The following EYS variants were observed in gnomAD, a reference collection of about 807,000 sequenced individuals.
The protein encoded by EYS is protein eyes shut homolog.
A neutral mutation model predicts 282.1 loss-of-function variants in EYS; 250 were observed. That is an observed-to-expected ratio of 0.89 (90% CI 0.80 to 0.98). The LOEUF (loss-of-function observed/expected upper bound fraction) is 0.98, where lower values mean the gene tolerates loss of function less well. Among genes scored for constraint, EYS ranks in the 50% least tolerant of loss-of-function variants. The pLI, the probability that EYS is intolerant of heterozygous loss-of-function variation, is 0.00. For synonymous variants in EYS, 1,355 were observed against 1,282.9 expected (o/e 1.06, Z -1.20); for missense variants, 4,016 against 3,709.0 (o/e 1.08, Z -2.15).
intron 31 of EYS, among the ~76,000 whole-genome samples, chr6:64,220,612 G>T (rs1333093122): frequency 6.6e-6 from 1 of 152,066 alleles, no homozygotes; most frequent in Non-Finnish European, 1.5e-5. Flanking sequence ...TTCAAAATCC[G>T]TTGTCAATCA....
At chr6:64,741,384 A>G (rs972429087) in intron 22 of EYS, among the ~76,000 whole-genome samples, 29 of 152,300 alleles carry the variant, frequency 1.9e-4, no homozygotes, top group African/African-American at 6.7e-4. Context: ...CCATTCACAG[A>G]GCACAAGCAA....
chr6:65,117,893 G>T (rs1315738037), intron 12 of EYS, among the ~76,000 whole-genome samples: 1 of 152,168 alleles, frequency 6.6e-6, no homozygotes, highest in Non-Finnish European at 1.5e-5. Flanking sequence ...ATATTTTGAG[G>T]AGGCTGTGGA....
intron 31 of EYS, among the ~76,000 whole-genome samples, chr6:64,169,269 A>T (rs1253879646): frequency 6.6e-6 from 1 of 152,138 alleles, no homozygotes; most frequent in Admixed American, 6.5e-5. Flanking sequence ...GTGGGGGTTT[A>T]GAATCGGGCA....
intron 22 of EYS, among the ~76,000 whole-genome samples, chr6:64,636,116 G>C (rs1382263181): frequency 6.6e-6 from 1 of 152,116 alleles, no homozygotes; most frequent in African/African-American, 2.4e-5. Flanking sequence ...AACCAAAAAA[G>C]AGCCTGCATC....
At chr6:65,452,702 T>C (rs1377968187) in intron 5 of EYS, among the ~76,000 whole-genome samples, 2 of 152,048 alleles carry the variant, frequency 1.3e-5, no homozygotes, top group Admixed American at 6.6e-5. Context: ...CTGTGCATTA[T>C]TCCAGCCTGA....
At chr6:65,429,686 A>C (rs185360425) in intron 5 of EYS, among the ~76,000 whole-genome samples, 3 of 152,154 alleles carry the variant, frequency 2.0e-5, no homozygotes, top group Non-Finnish European at 4.4e-5. Context: ...AAAACAAGCA[A>C]AAGAGAATAA....
intron 12 of EYS, among the ~76,000 whole-genome samples, chr6:65,224,105 C>A (rs559486733): frequency 3.9e-5 from 6 of 152,214 alleles, no homozygotes. Context: ...CCAACAACAG[C>A]AAAATACCAA....
At chr6:64,147,193 G>A (rs113365202) in intron 31 of EYS, among the ~76,000 whole-genome samples, 3,770 of 152,146 alleles carry the variant, frequency 0.025, 144 homozygotes, top group African/African-American at 0.085. Context: ...AGTATCTGCC[G>A]TTGGGAGATC....
At chr6:64,341,067 T>A (rs1771088463) in intron 29 of EYS, among the ~76,000 whole-genome samples, 1 of 151,606 alleles carries the variant, frequency 6.6e-6, no homozygotes, top group Non-Finnish European at 1.5e-5. Flanking sequence ...AAACAACACA[T>A]GCTGGCAAGA....
At chr6:65,299,670 G>T (rs1414767369) in intron 11 of EYS, among the ~76,000 whole-genome samples, 14 of 151,916 alleles carry the variant, frequency 9.2e-5, no homozygotes, top group African/African-American at 3.4e-4. Context: ...TCTTCTGAGG[G>T]TCAAATATTA....
rs562157819 is a variant in EYS, at chr6:64,087,515, T to A, written c.6425-5513A>T. ...AAGGAAAGTCCATAAGCCTATCTCA[T>A]CTATCCTCCTACAGTATACATTCTC... On this transcript the variant is annotated intron_variant, in intron 31 of 42. Transcript: ENST00000503581. Among the ~76,000 whole-genome samples the A allele has an allele frequency of 3.9e-5, 6 of 152,198 alleles. No individual in the cohort carries two copies. The East Asian group carries it at 1.2e-3, about 29-fold the overall frequency.
At chr6:64,296,732 G>T (rs918405037) in intron 30 of EYS, among the ~76,000 whole-genome samples, 4 of 150,274 alleles carry the variant, frequency 2.7e-5, no homozygotes, top group African/African-American at 9.8e-5. Context: ...TCAGCCTCCC[G>T]AGTAGCTGGG....
At chr6:65,373,781 A>T (rs1765252750) in intron 8 of EYS, among the ~76,000 whole-genome samples, 1 of 152,248 alleles carries the variant, frequency 6.6e-6, no homozygotes, top group South Asian at 2.1e-4. Context: ...AAATAATATT[A>T]TAATGAACAT....
chr6:64,200,914 CT>C (rs1342134646), intron 31 of EYS, among the ~76,000 whole-genome samples: 1 of 151,844 alleles, frequency 6.6e-6, no homozygotes, highest in Admixed American at 6.6e-5. Flanking sequence ...TCATATAGGT[CT>C]TTTTACTTTG....
chr6:65,102,420 T>C lies in EYS; in HGVS notation c.2024-44693A>G, dbSNP rs528925426. 1.7e-3 allele frequency among the ~76,000 whole-genome samples: 256 copies of C among 151,426 alleles called. 2 individuals are homozygous for C. Among genetic ancestry groups the C allele is most frequent in the African/African-American group, 5.9e-3 (245 of 41,504 alleles). On this transcript the variant is annotated intron_variant, in intron 12 of 42. Transcript: ENST00000503581. ...AGCAATTTTATTGTAGTACAAAAAATAGACAAACCCAGTATTCATTTCATT... is the reference window on the plus strand; with the variant it reads ...AGCAATTTTATTGTAGTACAAAAAACAGACAAACCCAGTATTCATTTCATT...
At chr6:64,547,491 C>T (rs111647578) in intron 26 of EYS, among the ~76,000 whole-genome samples, 1,629 of 152,286 alleles carry the variant, frequency 0.011, 33 homozygotes, top group African/African-American at 0.036. Flanking sequence ...TAGCTAGATA[C>T]AGAGTGTCGA....
chr6:64,903,831 C>T (rs1232925380), intron 16 of EYS, among the ~76,000 whole-genome samples: 2 of 152,104 alleles, frequency 1.3e-5, no homozygotes, highest in African/African-American at 2.4e-5. Context: ...ACCTGCCTCC[C>T]GTTGCAATTT....
intron 5 of EYS, among the ~76,000 whole-genome samples, chr6:65,487,054 T>C (rs1765809755): frequency 1.3e-5 from 2 of 152,206 alleles, no homozygotes; most frequent in African/African-American, 4.8e-5. Flanking sequence ...AAGTTCCTTA[T>C]CAGCTTAAGG....
intron 22 of EYS, among the ~76,000 whole-genome samples, chr6:64,635,398 G>A (rs1035831810): frequency 5.3e-5 from 8 of 152,146 alleles, no homozygotes; most frequent in Non-Finnish European, 8.8e-5. Flanking sequence ...CCTGTCTTGT[G>A]CCGGTTTTCA....
Sources: allele counts gnomAD v4.1 joint callset (sites outside exome capture counted in the v4.1 genomes callset), GRCh38; gene constraint gnomAD v4.1.1; transcripts MANE v1.5; gene names NCBI Gene and HGNC (gene_info 2026-07-23, HGNC 2026-07-21).